Variants in UNC13C observed in about 807,000 individuals in gnomAD.
UNC13C encodes unc-13 homolog C.
UNC13C carries 174 observed loss-of-function variants against 245.4 expected under a neutral mutation model. The ratio of observed to expected loss-of-function variants is 0.71; its 90% confidence interval spans 0.63 to 0.80. The LOEUF is 0.80. Ranked by LOEUF, UNC13C falls within the 30% of genes least tolerant of loss-of-function variation. The pLI, the probability that UNC13C is intolerant of heterozygous loss-of-function variation, is 0.00. For missense variants in UNC13C, 2,829 were observed against 2,602.9 expected (o/e 1.09, Z -1.89); for synonymous variants, 992 against 895.1 (o/e 1.11, Z -1.93).
intron 24 of UNC13C, among the ~76,000 whole-genome samples, chr15:54,512,981 T>G (rs867639979): frequency 7.2e-5 from 11 of 152,168 alleles, no homozygotes; most frequent in South Asian, 2.1e-4. Context: ...GATGCAAAAC[T>G]TTAAAAAAAT....
chr15:54,577,218 A>G (rs1055605519), intron 30 of UNC13C, among the ~76,000 whole-genome samples: 30 of 152,080 alleles, frequency 2.0e-4, no homozygotes, highest in African/African-American at 6.7e-4. Context: ...TTTTTGGCAA[A>G]CTCTTGAAAT....
At chr15:54,278,840 C>A (rs10851563) in intron 10 of UNC13C, among the ~76,000 whole-genome samples, 1 of 151,844 alleles carries the variant, frequency 6.6e-6, no homozygotes, top group Non-Finnish European at 1.5e-5. Context: ...TCGCTTTCAT[C>A]AGAATGATTT....
At chr15:54,167,358 C>T (rs1406335275) in intron 4 of UNC13C, among the ~76,000 whole-genome samples, 1 of 151,190 alleles carries the variant, frequency 6.6e-6, no homozygotes, top group African/African-American at 2.4e-5. Flanking sequence ...AAAAATTAGC[C>T]GGGCGTGATG....
chr15:54,004,282 G>A (rs748147117), intron 1 of UNC13C, among the ~76,000 whole-genome samples: 133 of 152,056 alleles, frequency 8.7e-4, no homozygotes, highest in Non-Finnish European at 1.5e-3. Context: ...TCTGCGCCTG[G>A]CTTATTTCAC....
chr15:54,190,462 T>C (rs1212719593), intron 4 of UNC13C, among the ~76,000 whole-genome samples: 4 of 152,114 alleles, frequency 2.6e-5, no homozygotes, highest in East Asian at 3.8e-4. Flanking sequence ...TCTATGTACA[T>C]CAAGCATTTT....
intron 10 of UNC13C, among the ~76,000 whole-genome samples, chr15:54,293,163 A>T (rs2037345143): frequency 6.6e-6 from 1 of 151,900 alleles, no homozygotes; most frequent in Non-Finnish European, 1.5e-5. Flanking sequence ...AATAAGTTGC[A>T]GGAAAAGTGA....
intron 2 of UNC13C, among the ~76,000 whole-genome samples, chr15:54,127,680 A>C (rs1234482267): frequency 6.7e-6 from 1 of 150,092 alleles, no homozygotes; most frequent in Non-Finnish European, 1.5e-5. Context: ...CATTCTGCAC[A>C]TGTATCCCAG....
At chr15:53,839,455 T>A in the UNC13C span, among the ~76,000 whole-genome samples, 1 of 152,150 alleles carries the variant, frequency 6.6e-6, no homozygotes, top group Non-Finnish European at 1.5e-5. Context: ...ATTATACTAT[T>A]TAGTGTCACT....
chr15:54,417,062 G>T, intron 19 of UNC13C: 1 of 430,588 alleles, frequency 2.3e-6, no homozygotes, highest in Non-Finnish European at 4.7e-6. Context: ...ATTTTAATCT[G>T]CTGCGTAACA....
At chr15:54,606,366 T>G (rs1899765899) in intron 30 of UNC13C, among the ~76,000 whole-genome samples, 1 of 152,218 alleles carries the variant, frequency 6.6e-6, no homozygotes, top group Non-Finnish European at 1.5e-5. Context: ...AAAACAAATT[T>G]AAGATGCATG....
the UNC13C span, among the ~76,000 whole-genome samples, chr15:53,954,305 A>G: frequency 6.6e-6 from 1 of 152,236 alleles, no homozygotes; most frequent in African/African-American, 2.4e-5. Context: ...TTCCTGAGAG[A>G]AGAGACAATG....
chr15:54,262,883 T>C (rs2036462020), intron 8 of UNC13C, among the ~76,000 whole-genome samples: 1 of 152,192 alleles, frequency 6.6e-6, no homozygotes, highest in South Asian at 2.1e-4. Flanking sequence ...ATTATTGCTG[T>C]CAAATTGTAT....
intron 2 of UNC13C, among the ~76,000 whole-genome samples, chr15:54,076,234 A>G (rs1188934673): frequency 1.4e-5 from 2 of 148,122 alleles, no homozygotes; most frequent in African/African-American, 4.9e-5. Context: ...CATTAGGTAT[A>G]TCGCCCAATG....
intron 2 of UNC13C, among the ~76,000 whole-genome samples, chr15:54,070,859 G>T (rs1368254993): frequency 6.6e-6 from 1 of 152,118 alleles, no homozygotes; most frequent in Non-Finnish European, 1.5e-5. Context: ...AGCTGGATTT[G>T]ACCCAAAAAT....
the UNC13C span, among the ~76,000 whole-genome samples, chr15:53,920,532 G>A: frequency 1.3e-5 from 2 of 152,102 alleles, no homozygotes; most frequent in South Asian, 4.2e-4. Flanking sequence ...CAGCCTGGGT[G>A]ACAAGAGTGA....
the UNC13C span, chr15:53,948,326 A>T: frequency 1.3e-5 from 2 of 152,112 alleles, no homozygotes; most frequent in African/African-American, 4.8e-5. Context: ...CTTCTGTCAT[A>T]AGAAAGAGCT....
chr15:53,841,756 T>A, the UNC13C span, among the ~76,000 whole-genome samples: 2 of 152,184 alleles, frequency 1.3e-5, no homozygotes, highest in Non-Finnish European at 2.9e-5. Flanking sequence ...AGGGGTCTCA[T>A]GTGGATTTGC....
At chr15:54,078,280 T>C (rs1348673224) in intron 2 of UNC13C, among the ~76,000 whole-genome samples, 2 of 152,194 alleles carry the variant, frequency 1.3e-5, no homozygotes, top group Admixed American at 6.5e-5. Flanking sequence ...CTACTGTGAG[T>C]AGTGCTGCAA....
the UNC13C span, among the ~76,000 whole-genome samples, chr15:53,883,001 C>T: frequency 1.1e-4 from 17 of 152,070 alleles, no homozygotes; most frequent in Non-Finnish European, 1.9e-4. Flanking sequence ...GTATGACACA[C>T]ATTTATTTAT....
Sources: allele counts gnomAD v4.1 joint callset (sites outside exome capture counted in the v4.1 genomes callset), GRCh38; gene constraint gnomAD v4.1.1; transcripts MANE v1.5; gene names NCBI Gene and HGNC (gene_info 2026-07-23, HGNC 2026-07-21).